TRIM24: variants seen among roughly 807,000 people sequenced by gnomAD.
TRIM24 encodes the protein tripartite motif containing 24, also known as transcription intermediary factor 1-alpha.
Under a neutral mutation model 123.9 loss-of-function variants are expected in TRIM24, and 29 were observed. The observed-to-expected ratio is 0.23, with a 90% CI of 0.17 to 0.32. The LOEUF (loss-of-function observed/expected upper bound fraction) is 0.32. TRIM24 is among the 10% of genes least tolerant of loss of function. TRIM24 has a pLI of 1.00. For synonymous variants in TRIM24, 456 were observed against 461.1 expected (o/e 0.99, Z 0.14); for missense variants, 932 against 1,295.3 (o/e 0.72, Z 4.31).
Position 138,526,466 on chromosome 7 carries a change from C to T in TRIM24, c.881+1109C>T, listed in dbSNP as rs146078278. Among the ~76,000 whole-genome samples the T allele has an allele frequency of 7.1e-3, 1,073 of 151,378 alleles. 10 individuals are homozygous for T. Among genetic ancestry groups the T allele is most frequent in the South Asian group, 0.045 (214 of 4,792 alleles). On this transcript the variant is annotated intron_variant, in intron 5 of 18. Coordinates refer to ENST00000343526, the MANE Select transcript of TRIM24 (RefSeq NM_015905.3). ...TTTTGTTTTTTGTTTTTTTTTGAGA[C>T]GGAGTCTCACTCTGTCACTTAAGCT...
intron 6 of TRIM24, 136 bp from the exon 7 acceptor site, chr7:138,538,521 G>A: frequency 2.0e-6 from 2 of 1,009,230 alleles, no homozygotes; most frequent in South Asian, 1.7e-5. Flanking sequence ...TACTAATAGG[G>A]AAAACAGAGT....
At chr7:138,467,545 G>A (rs1397037221) in intron 1 of TRIM24, among the ~76,000 whole-genome samples, 2 of 152,154 alleles carry the variant, frequency 1.3e-5, no homozygotes, top group East Asian at 3.8e-4. Flanking sequence ...GTTTCACCAT[G>A]TTGGCCAGGA....
At chr7:138,472,901 C>T (rs1170961491) in intron 1 of TRIM24, among the ~76,000 whole-genome samples, 1 of 152,122 alleles carries the variant, frequency 6.6e-6, no homozygotes, top group Non-Finnish European at 1.5e-5. Context: ...GAAACAGGGT[C>T]TCACTTTGTT....
rs750546293 is a variant in TRIM24 at position 138,576,429 on chromosome 7, G to A, written c.2071G>A (p.Val691Ile). The A allele has an allele frequency of 4.3e-6, 7 of 1,613,642 alleles. No individual in the cohort carries two copies. Among genetic ancestry groups the A allele is most frequent in the East Asian group, 2.2e-5 (1 of 44,876 alleles). ...AATACGTTCACCTAGTGCCTCCAGC[G>A]TTGGAAGCCGAGGAAGGTAAACTGA... is the stretch of plus-strand genomic sequence containing the variant. Reference protein sequence around the residue: ...PPIRSPSASSVGSRGSSGSSS... With the variant: ...PPIRSPSASSIGSRGSSGSSS... The change falls in exon 13 of 19, where the codon GTT becomes ATT. Residue 691 changes from valine (V) to isoleucine (I), a missense_variant. By Grantham distance (29) the Val-to-Ile change is conservative. Transcript: ENST00000343526.
At chr7:138,467,464 C>T (rs1329328643) in intron 1 of TRIM24, among the ~76,000 whole-genome samples, 1 of 152,196 alleles carries the variant, frequency 6.6e-6, no homozygotes, top group African/African-American at 2.4e-5. Context: ...GCCTCAGCCT[C>T]CTGAGTAGCT....
chr7:138,581,812 A>G (rs1201691922), intron 17 of TRIM24, 41 bp downstream of exon 17: 2 of 1,494,480 alleles, frequency 1.3e-6, no homozygotes, highest in South Asian at 2.4e-5. Flanking sequence ...ACACAGTGGA[A>G]TGCTTTTCTG....
chr7:138,553,033 T>A (rs765330802), intron 8 of TRIM24, among the ~76,000 whole-genome samples: 2 of 152,194 alleles, frequency 1.3e-5, no homozygotes, highest in African/African-American at 4.8e-5. Flanking sequence ...TATTTAAAAC[T>A]GTACACACAT....
chr7:138,490,917 CG>C, intron 1 of TRIM24: 1 of 388,370 alleles, frequency 2.6e-6, no homozygotes, highest in Non-Finnish European at 4.9e-6. Context: ...AGAGATCTTC[CG>C]TATCTGATTG....
chr7:138,530,774 T>G (rs1796715871), intron 6 of TRIM24, among the ~76,000 whole-genome samples: 1 of 151,976 alleles, frequency 6.6e-6, no homozygotes, highest in African/African-American at 2.4e-5. Flanking sequence ...GCCCCCCCTT[T>G]GTTTTTTTTG....
At position 138,476,333 on chromosome 7, in the gene TRIM24, G is replaced by A. The variant is rs192595447; in HGVS notation, c.364+15421G>A. On this transcript the variant is annotated intron_variant, in intron 1 of 18. Coordinates refer to ENST00000343526, the MANE Select transcript of TRIM24 (RefSeq NM_015905.3). ...TCCCAGGCCGGGCGTGGTGGCTCAC[G>A]CCTGTAATCCCAGCACTTTGGGAGG... Among the ~76,000 whole-genome samples, 819 of 152,216 alleles carry A rather than the reference G, an allele frequency of 5.4e-3. 5 individuals are homozygous for A. The highest frequency in any genetic ancestry group is 0.019 in the African/African-American group (781 of 41,538).
intron 4 of TRIM24, among the ~76,000 whole-genome samples, chr7:138,522,507 G>C (rs1796524394): frequency 6.6e-6 from 1 of 152,082 alleles, no homozygotes; most frequent in Non-Finnish European, 1.5e-5. Flanking sequence ...ATTTGGAAAT[G>C]AAATTCTTGT....
At chr7:138,517,470 A>G (rs1269664606) in intron 3 of TRIM24, among the ~76,000 whole-genome samples, 1 of 152,074 alleles carries the variant, frequency 6.6e-6, no homozygotes, top group East Asian at 1.9e-4. Context: ...TCCTGGGTTC[A>G]AGCGATTCTC....
At chr7:138,549,126 A>G (rs1311572133) in intron 7 of TRIM24, among the ~76,000 whole-genome samples, 1 of 152,214 alleles carries the variant, frequency 6.6e-6, no homozygotes, top group African/African-American at 2.4e-5. Flanking sequence ...CACCAGTATC[A>G]CCATAAACAC....
intron 9 of TRIM24, among the ~76,000 whole-genome samples, chr7:138,564,209 T>C (rs929610004): frequency 2.6e-5 from 4 of 152,178 alleles, no homozygotes; most frequent in Non-Finnish European, 5.9e-5. Flanking sequence ...GACTTGACCC[T>C]GTTCATCATA....
intron 2 of TRIM24, among the ~76,000 whole-genome samples, chr7:138,506,900 G>A (rs1295358461): frequency 2.6e-5 from 4 of 152,140 alleles, no homozygotes; most frequent in Non-Finnish European, 5.9e-5. Context: ...GGTAGTGGGA[G>A]CTGAATTAGC....
chr7:138,522,539 C>G lies in TRIM24; in HGVS notation c.765-2702C>G, dbSNP rs573229478. On this transcript the variant is annotated intron_variant, in intron 4 of 18. Transcript: ENST00000343526. ...TTGTGATAACTAAAGTCTACTGATA[C>G]ACAATCCTGGAATTCTAGATTAAAG... Among the ~76,000 whole-genome samples, 3 of 152,078 alleles carry G rather than the reference C, an allele frequency of 2.0e-5. No homozygotes were observed. The South Asian group carries it at 6.2e-4, about 32-fold the overall frequency.
chr7:138,583,167 C>A (rs1797937549), intron 17 of TRIM24, among the ~76,000 whole-genome samples: 1 of 152,146 alleles, frequency 6.6e-6, no homozygotes, highest in Admixed American at 6.5e-5. Flanking sequence ...GGATTAAACC[C>A]AGATTCAAAG....
chr7:138,564,863 G>T (rs1797502232), intron 9 of TRIM24, among the ~76,000 whole-genome samples: 1 of 152,102 alleles, frequency 6.6e-6, no homozygotes, highest in Non-Finnish European at 1.5e-5. Context: ...ATTGTAATGG[G>T]GTGGGTTTTG....
At position 138,460,870 on chromosome 7, in the gene TRIM24, C is replaced by G. The variant is rs1316602652; in HGVS notation, c.322C>G (p.Pro108Ala). 3 of 1,542,888 alleles carry G rather than the reference C, an allele frequency of 1.9e-6. No individual in the cohort carries two copies. Among genetic ancestry groups the G allele is most frequent in the Non-Finnish European group, 1.7e-6 (2 of 1,154,072 alleles). ...CGAGACCCCGCCACCCGTCCCTGCC[C>G]CCGGCTCGCCGGTCAGCGGCTCGTC... ...SAETPPPVPAPGSPVSGSSPF... is the reference protein window; with the variant it reads ...SAETPPPVPAAGSPVSGSSPF... Residue 108 changes from proline (P) to alanine (A), a missense_variant, in exon 1 of 19, where the codon CCC becomes GCC. Transcript: ENST00000343526.
Sources: gnomAD v4.1 joint callset for allele counts (sites outside exome capture counted in the v4.1 genomes callset) on GRCh38, gnomAD v4.1.1 for gene constraint, MANE v1.5 for transcripts, NCBI Gene and HGNC (gene_info 2026-07-23, HGNC 2026-07-21) for gene names.